Variants in SARDH observed in about 807,000 individuals in gnomAD.
SARDH encodes the protein sarcosine dehydrogenase, also known as sarcosine dehydrogenase, mitochondrial.
SARDH carries 95 observed loss-of-function variants against 109.1 expected under a neutral mutation model. That is an observed-to-expected ratio of 0.87 (90% CI 0.74 to 1.03). The LOEUF (loss-of-function observed/expected upper bound fraction) is 1.03. SARDH is among the 50% of genes least tolerant of loss of function. The pLI is 0.00. For missense variants in SARDH, 1,267 were observed against 1,287.8 expected, an observed-to-expected ratio of 0.98 and a Z score of 0.25; for synonymous variants, 572 against 534.8, an observed-to-expected ratio of 1.07 and a Z score of -0.96.
At position 133,712,011 on chromosome 9, in the gene SARDH, A is replaced by G. The variant is rs1177354179; in HGVS notation, c.1328+608T>C. ...AAGGCCATCGGGATAGGCTGCCGTC[A>G]CCGGCTCTGGCCACCAGCACCCCAG... On this transcript the variant is annotated intron_variant, in intron 10 of 20. Transcript: ENST00000439388. This position sits in a 1 kb window ranked among gnomAD's most constrained non-coding sequence, Gnocchi z 4.1. Among the ~76,000 whole-genome samples the G allele has an allele frequency of 6.6e-6, 1 of 152,204 alleles. No homozygotes were observed. Among genetic ancestry groups the G allele is most frequent in the Non-Finnish European group, 1.5e-5 (1 of 68,022 alleles).
chr9:133,678,096 C>T (rs1444619941), intron 17 of SARDH, among the ~76,000 whole-genome samples: 3 of 152,192 alleles, frequency 2.0e-5, no homozygotes, highest in Non-Finnish European at 2.9e-5. Flanking sequence ...GAGAGGACCC[C>T]CCACCTTGCC....
In SARDH at chr9:133,692,715, C is replaced by G. The variant is rs1418021342; in HGVS notation, c.1921+1543G>C. Among the ~76,000 whole-genome samples, 3 of 152,172 alleles carry G rather than the reference C, an allele frequency of 2.0e-5. No individual in the cohort carries two copies. The highest frequency in any genetic ancestry group is 2.9e-5 in the Non-Finnish European group (2 of 68,034). On this transcript the variant is annotated intron_variant, in intron 15 of 20. Transcript: ENST00000439388. This position sits in a 1 kb window ranked among gnomAD's most constrained non-coding sequence, Gnocchi z 5.0. ...CCCACCGGCCTCCTTCACCTCCTCC[C>G]GACCCTGGCTACCTGGTGCTTCCAC... is the stretch of plus-strand genomic sequence containing the variant.
At chr9:133,681,909 C>T (rs985455133) in intron 17 of SARDH, among the ~76,000 whole-genome samples, 2 of 152,066 alleles carry the variant, frequency 1.3e-5, no homozygotes, top group Non-Finnish European at 2.9e-5. Context: ...CCTGTGTTTC[C>T]CCTCCCCCCC....
intron 3 of SARDH, 85 bp downstream of exon 3, chr9:133,732,338 G>A (rs1484180764): frequency 2.8e-6 from 3 of 1,074,918 alleles, no homozygotes; most frequent in Non-Finnish European, 3.8e-6. Flanking sequence ...CCCCCCACAG[G>A]GGGTGCACCC....
In SARDH at chr9:133,712,996, A is replaced by T; in HGVS notation, c.1237+42T>A. The T allele has an allele frequency of 6.4e-7, 1 of 1,558,038 alleles. No individual in the cohort carries two copies. The highest frequency in any genetic ancestry group is 8.7e-7 in the Non-Finnish European group (1 of 1,143,330). ...CCCCCAGAGCTCTGGGAATGACAGG[A>T]CCTCCCTCTTGGGGGCCAGGAGGGC... On this transcript the variant is annotated intron_variant, in intron 9 of 20. Transcript: ENST00000439388. The surrounding 1 kb of genome is among the most constrained non-coding windows in gnomAD (Gnocchi z 4.1).
At chr9:133,723,478 T>C (rs1339483778) in intron 6 of SARDH, among the ~76,000 whole-genome samples, 1 of 152,190 alleles carries the variant, frequency 6.6e-6, no homozygotes, top group African/African-American at 2.4e-5. Flanking sequence ...ATAAACCTTC[T>C]TCTGCCAGGC....
At chr9:133,681,109 G>T (rs1830680106) in intron 17 of SARDH, among the ~76,000 whole-genome samples, 1 of 152,238 alleles carries the variant, frequency 6.6e-6, no homozygotes, top group South Asian at 2.1e-4. Context: ...CTGGGGCTGT[G>T]TGGGGATGGA....
chr9:133,734,305 C>T (rs1309886522), intron 1 of SARDH, 102 bp from the exon 2 acceptor site: 2 of 663,490 alleles, frequency 3.0e-6, no homozygotes, highest in African/African-American at 1.9e-5. Flanking sequence ...CCTCCCAGGG[C>T]CTTCCTCTTG....
rs573557434 is a variant in SARDH at position 133,718,396 on chromosome 9, T to C, written c.1020+542A>G. ...CATTTGTTTGTTTATTGTATGTCTC[T>C]CCACCAAAATATAGGCACCCAGAGT... On this transcript the variant is annotated intron_variant, in intron 7 of 20. Coordinates refer to ENST00000439388, the MANE Select transcript of SARDH (RefSeq NM_001134707.2). This position sits in a 1 kb window ranked among gnomAD's most constrained non-coding sequence, Gnocchi z 4.2. 3 of 403,710 alleles carry C rather than the reference T, an allele frequency of 7.4e-6. No individual in the cohort carries two copies. The South Asian group carries it at 1.1e-4, about 14-fold the overall frequency. The allele number at this position is 403,710 out of a possible 1,614,324, so 25.0% of individuals were successfully genotyped here.
chr9:133,708,297 G>A lies in SARDH; in HGVS notation c.1460C>T (p.Pro487Leu), dbSNP rs376636689. ...CTGTAGGGGCGTTACCTCGTGCAGC[G>A]GGTCTCTCCTCATGTTGCGCCCGGC... ...PLAGRNMRRD[P>L]LHEELLGQGC... Residue 487 changes from proline (P) to leucine (L), a missense_variant, in exon 11 of 21, where the codon CCG becomes CTG. Physicochemically the swap from Pro to Leu is moderately conservative, Grantham distance 98 (BLOSUM62 -3). Coordinates refer to ENST00000439388, the MANE Select transcript of SARDH (RefSeq NM_001134707.2). 1.1e-5 allele frequency: 17 copies of A among 1,612,440 alleles called. No individual in the cohort carries two copies. The highest frequency in any genetic ancestry group is 8.9e-5 in the East Asian group (4 of 44,846).
chr9:133,702,632 G>A (rs967071400), intron 13 of SARDH, among the ~76,000 whole-genome samples: 1 of 152,194 alleles, frequency 6.6e-6, no homozygotes, highest in Non-Finnish European at 1.5e-5. Flanking sequence ...CAGCCCCACC[G>A]GGCCCCAGCC....
intron 1 of SARDH, among the ~76,000 whole-genome samples, chr9:133,734,991 G>T (rs1564304962): frequency 6.6e-6 from 1 of 152,156 alleles, no homozygotes; most frequent in Non-Finnish European, 1.5e-5. Flanking sequence ...TAGTGGCACA[G>T]CAGGGCAGGG....
chr9:133,708,443 G>A lies in SARDH; in HGVS notation c.1329-15C>T, dbSNP rs770704125. The stretch of plus-strand genomic sequence containing the variant: ...GATGGAAGCGCCTGCCGCAGACAGG[G>A]GGACGGGTCACTGCTTTGGGGATGG... On this transcript the variant is annotated splice_polypyrimidine_tract_variant and intron_variant, in intron 10 of 20. Coordinates refer to ENST00000439388, the MANE Select transcript of SARDH (RefSeq NM_001134707.2). 2 of 1,603,968 alleles carry A rather than the reference G, an allele frequency of 1.2e-6. No individual in the cohort carries two copies. Among genetic ancestry groups the A allele is most frequent in the East Asian group, 4.5e-5 (2 of 44,652 alleles).
Position 133,704,859 on chromosome 9 carries a change from A to ACGGAGGGGCAAGGACGGGGCACG in SARDH, c.1554+66_1554+88dup. The ACGGAGGGGCAAGGACGGGGCACG allele has an allele frequency of 8.8e-7, 1 of 1,141,610 alleles. No homozygotes were observed. Among genetic ancestry groups the ACGGAGGGGCAAGGACGGGGCACG allele is most frequent in the Non-Finnish European group, 1.3e-6 (1 of 782,666 alleles). 70.7% of individuals were successfully genotyped at this position (1,141,610 alleles called of 1,614,324 possible). ...GGAACCACCTGGGGAGGCGGGGCAC[A>ACGGAGGGGCAAGGACGGGGCACG]CGGAGGGGCAAGGACGGGGCACGTG... On this transcript the variant is annotated intron_variant, in intron 12 of 20. Transcript: ENST00000439388. This position sits in a 1 kb window ranked among gnomAD's most constrained non-coding sequence, Gnocchi z 4.5.
Position 133,730,106 on chromosome 9 carries a change from G to A in SARDH, c.772C>T (p.Gln258Ter). ...CAGGGTGTCTGGATGGAACCATGCT[G>A]AGTCTCCACACCCGCGACCCGCCGC... ...GVRRVAGVET[Q>*]HGSIQTPCVV... The change falls in exon 5 of 21, where the codon CAG becomes TAG. Residue 258 changes from glutamine (Q) to a stop codon, truncating the protein, a stop_gained. Coordinates refer to ENST00000439388, the MANE Select transcript of SARDH (RefSeq NM_001134707.2). LOFTEE classifies it high-confidence loss of function. The A allele has an allele frequency of 6.2e-7, 1 of 1,614,216 alleles. No homozygotes were observed. Among genetic ancestry groups the A allele is most frequent in the Non-Finnish European group, 8.5e-7 (1 of 1,180,032 alleles).
intron 14 of SARDH, among the ~76,000 whole-genome samples, chr9:133,695,571 G>A (rs979958384): frequency 6.6e-6 from 1 of 152,196 alleles, no homozygotes; most frequent in African/African-American, 2.4e-5. Flanking sequence ...GGAAGAGCAA[G>A]GAAGGGTCCT....
chr9:133,696,174 T>A, intron 14 of SARDH, 49 bp downstream of exon 14: 1 of 1,607,150 alleles, frequency 6.2e-7, no homozygotes, highest in Non-Finnish European at 8.5e-7. Context: ...TGCCTGAGGC[T>A]GTGCCCATGG....
intron 1 of SARDH, among the ~76,000 whole-genome samples, chr9:133,737,363 G>T (rs1390594729): frequency 6.6e-6 from 1 of 152,212 alleles, no homozygotes; most frequent in Non-Finnish European, 1.5e-5. Context: ...CAGTGTGTCA[G>T]CCCGCCTGGC....
intron 13 of SARDH, among the ~76,000 whole-genome samples, chr9:133,699,043 T>C (rs1481723246): frequency 6.6e-6 from 1 of 152,210 alleles, no homozygotes; most frequent in Non-Finnish European, 1.5e-5. Context: ...TAAAAAAATT[T>C]GCAACTCAAT....
Sources: allele counts gnomAD v4.1 joint callset (sites outside exome capture counted in the v4.1 genomes callset), GRCh38; gene constraint gnomAD v4.1.1; non-coding constraint Gnocchi (gnomAD v3.1); transcripts MANE v1.5; gene names NCBI Gene and HGNC (gene_info 2026-07-23, HGNC 2026-07-21).